LAMA1: variants seen among roughly 807,000 people sequenced by gnomAD.
The protein encoded by LAMA1 is laminin subunit alpha 1.
Under a neutral mutation model 348.7 loss-of-function variants are expected in LAMA1, and 219 were observed. The ratio of observed to expected loss-of-function variants is 0.63; its 90% CI spans 0.56 to 0.70. The LOEUF (loss-of-function observed/expected upper bound fraction) is 0.70. Ranked by LOEUF, LAMA1 falls within the 30% of genes least tolerant of loss-of-function variation. LAMA1 has a pLI of 0.00. For missense variants in LAMA1, 3,744 were observed against 3,888.0 expected (o/e 0.96, Z 0.99); for synonymous variants, 1,487 against 1,491.0 (o/e 1.00, Z 0.06).
At chr18:7,066,864 C>CA (rs1225596489) in intron 3 of LAMA1, among the ~76,000 whole-genome samples, 2 of 151,490 alleles carry the variant, frequency 1.3e-5, no homozygotes, top group Non-Finnish European at 1.5e-5. Context: ...AGCATTTAAC[C>CA]AAATAATCTA....
intron 1 of LAMA1, among the ~76,000 whole-genome samples, chr18:7,089,843 T>C (rs1029540360): frequency 2.6e-5 from 4 of 152,170 alleles, no homozygotes; most frequent in Non-Finnish European, 4.4e-5. Context: ...TTTGGAGCAA[T>C]GCATCCCCAA....
At chr18:7,064,378 G>C (rs182294022) in intron 3 of LAMA1, among the ~76,000 whole-genome samples, 1 of 152,148 alleles carries the variant, frequency 6.6e-6, no homozygotes, top group Non-Finnish European at 1.5e-5. Flanking sequence ...GTATTTCTAG[G>C]CAGGGGCCAA....
At chr18:7,084,002 A>AG (rs1356676226) in intron 1 of LAMA1, among the ~76,000 whole-genome samples, 1 of 142,012 alleles carries the variant, frequency 7.0e-6, no homozygotes, top group Non-Finnish European at 1.5e-5. Flanking sequence ...AAAGTTGAGA[A>AG]GCGGAGGTTG....
intron 3 of LAMA1, among the ~76,000 whole-genome samples, chr18:7,060,984 C>T (rs114783749): frequency 9.7e-4 from 147 of 152,202 alleles, no homozygotes; most frequent in African/African-American, 3.4e-3. Flanking sequence ...GGCAAAACCT[C>T]ATCTCTGCAA....
chr18:6,992,115 C>G (rs928926805), intron 36 of LAMA1, among the ~76,000 whole-genome samples: 15 of 152,334 alleles, frequency 9.8e-5, no homozygotes, highest in African/African-American at 2.9e-4. Context: ...CACTTCACAT[C>G]GTGGGTTTCA....
rs142890237 is a variant in LAMA1 at position 6,979,865 on chromosome 18, C to T, written c.6007+656G>A. 2.6e-5 allele frequency among the ~76,000 whole-genome samples: 4 copies of T among 152,314 alleles called. No individual in the cohort carries two copies. In the South Asian group the frequency reaches 8.3e-4, roughly 32 times the overall value. On this transcript the variant is annotated intron_variant, in intron 42 of 62. Coordinates refer to ENST00000389658, the MANE Select transcript of LAMA1 (RefSeq NM_005559.4). ...AGTGAGCCAAGATCGCGCCACTGCA[C>T]TCCAGCCTGGGCGACAGAGCGAGAC...
intron 55 of LAMA1, 168 bp from the exon 56 acceptor site, chr18:6,956,933 CTA>C (rs1332859896): frequency 2.0e-5 from 14 of 714,000 alleles, no homozygotes; most frequent in Middle Eastern, 3.4e-4. Context: ...TCCAAACATG[CTA>C]TCTTAATATT....
At chr18:6,988,341 C>G (rs182796556) in intron 36 of LAMA1, among the ~76,000 whole-genome samples, 3 of 152,206 alleles carry the variant, frequency 2.0e-5, no homozygotes, top group African/African-American at 7.2e-5. Context: ...GTCCCATGAA[C>G]TGCCAGGCAG....
At chr18:6,957,002 A>G in intron 55 of LAMA1, 1 of 503,362 alleles carries the variant, frequency 2.0e-6, no homozygotes, top group Non-Finnish European at 3.6e-6. Context: ...CCCATGTCAG[A>G]CCCTGGCCAT....
intron 24 of LAMA1, 90 bp downstream of exon 24, chr18:7,011,905 A>T: frequency 6.8e-7 from 1 of 1,476,860 alleles, no homozygotes; most frequent in Non-Finnish European, 9.2e-7. Flanking sequence ...AGCAAAATTT[A>T]ATGTGAACAC....
Position 7,007,095 on chromosome 18 carries a change from C to T in LAMA1, c.4260+44G>A, listed in dbSNP as rs747843612. 7.5e-6 allele frequency: 12 copies of T among 1,610,720 alleles called. No individual in the cohort carries two copies. In the Admixed American group the frequency reaches 8.4e-5, roughly 11 times the overall value. On this transcript the variant is annotated intron_variant, in intron 29 of 62. Coordinates refer to ENST00000389658, the MANE Select transcript of LAMA1 (RefSeq NM_005559.4). ...CCGGAAATCTGACACTCAGCGTCCA[C>T]TTTACTTCTAAACTCAGGCAAGCAC...
chr18:7,040,502 G>T (rs1185747156), intron 9 of LAMA1, among the ~76,000 whole-genome samples: 2 of 152,184 alleles, frequency 1.3e-5, no homozygotes, highest in Non-Finnish European at 2.9e-5. Context: ...GCCATAGTTT[G>T]CCAATTCCTT....
At chr18:7,079,944 G>GAC (rs748725333) in intron 3 of LAMA1, 31 bp downstream of exon 3, 1 of 1,476,576 alleles carries the variant, frequency 6.8e-7, no homozygotes, top group Non-Finnish European at 9.5e-7. Flanking sequence ...GCAGCCTGTA[G>GAC]ACACTCTTCA....
intron 19 of LAMA1, among the ~76,000 whole-genome samples, chr18:7,020,572 G>A (rs2057911035): frequency 1.3e-5 from 2 of 152,174 alleles, no homozygotes; most frequent in African/African-American, 4.8e-5. Flanking sequence ...GAGGGGATGC[G>A]AGAGAAGGGA....
At chr18:6,978,945 A>G (rs1051207287) in intron 42 of LAMA1, among the ~76,000 whole-genome samples, 6 of 152,224 alleles carry the variant, frequency 3.9e-5, no homozygotes, top group South Asian at 2.1e-4. Flanking sequence ...ACAGCCACTC[A>G]AGGTAAATTG....
intron 1 of LAMA1, among the ~76,000 whole-genome samples, chr18:7,083,075 T>A (rs2058199590): frequency 6.6e-6 from 1 of 152,076 alleles, no homozygotes; most frequent in Admixed American, 6.5e-5. Context: ...TCAAACCTCA[T>A]GAACATAAAT....
rs368904555 is a variant in LAMA1 at position 7,032,095 on chromosome 18, C to T, written c.2245G>A (p.Ala749Thr). The change falls in exon 16 of 63, where the codon GCT becomes ACT. Residue 749 changes from alanine to threonine, a missense_variant. By Grantham distance (58) the Ala-to-Thr change is moderately conservative. Transcript: ENST00000389658. Reference protein sequence around the residue: ...CQPCECHGHAAECNVHGVCIA... With the variant: ...CQPCECHGHATECNVHGVCIA... ...CAAACGCCGTGAACATTACACTCAG[C>T]TGCATGGCCGTGGCATTCACAGGGT... The T allele has an allele frequency of 3.1e-5, 50 of 1,614,174 alleles. No individual in the cohort carries two copies. In the African/African-American group the frequency reaches 3.9e-4, roughly 12 times the overall value.
intron 42 of LAMA1, among the ~76,000 whole-genome samples, chr18:6,978,582 T>C (rs2057694146): frequency 2.0e-5 from 3 of 152,202 alleles, no homozygotes; most frequent in Non-Finnish European, 4.4e-5. Context: ...AATGGCAATA[T>C]TAAAGCTGCA....
intron 52 of LAMA1, 77 bp downstream of exon 52, chr18:6,961,868 T>G: frequency 1.3e-6 from 2 of 1,562,328 alleles, no homozygotes; most frequent in Non-Finnish European, 1.8e-6. Flanking sequence ...TCCCCACTGG[T>G]TTGTTGTGTT....
Sources: allele counts gnomAD v4.1 joint callset (sites outside exome capture counted in the v4.1 genomes callset), GRCh38; gene constraint gnomAD v4.1.1; transcripts MANE v1.5; gene names NCBI Gene and HGNC (gene_info 2026-07-23, HGNC 2026-07-21).